ADGRL3: variants seen among roughly 807,000 people sequenced by gnomAD.
ADGRL3 encodes the protein adhesion G protein-coupled receptor L3.
ADGRL3 carries 62 observed loss-of-function variants against 153.5 expected under a neutral mutation model. The ratio of observed to expected loss-of-function variants is 0.40; its 90% confidence interval spans 0.33 to 0.50. The LOEUF (loss-of-function observed/expected upper bound fraction) is 0.50, where lower values mean the gene tolerates loss of function less well. Ranked by LOEUF, ADGRL3 falls within the 20% of genes least tolerant of loss-of-function variation. ADGRL3 has a pLI of 0.47. For synonymous variants in ADGRL3, 710 were observed against 672.5 expected, an observed-to-expected ratio of 1.06 and a Z score of -0.86; for missense variants, 1,641 against 1,859.4, an observed-to-expected ratio of 0.88 and a Z score of 2.16.
chr4:61,540,345 T>C (rs1486719702), intron 4 of ADGRL3, among the ~76,000 whole-genome samples: 1 of 152,070 alleles, frequency 6.6e-6, no homozygotes, highest in Non-Finnish European at 1.5e-5. Context: ...GGTCAGGAGT[T>C]CAACACCAGC....
intron 1 of ADGRL3, among the ~76,000 whole-genome samples, chr4:61,229,031 T>A (rs1475624975): frequency 6.6e-6 from 1 of 152,174 alleles, no homozygotes; most frequent in East Asian, 1.9e-4. Flanking sequence ...ATATGGTATC[T>A]GGCACATGTA....
At chr4:61,539,798 G>A (rs1468279457) in intron 4 of ADGRL3, among the ~76,000 whole-genome samples, 1 of 152,098 alleles carries the variant, frequency 6.6e-6, no homozygotes, top group African/African-American at 2.4e-5. Flanking sequence ...GGTAAGGGGA[G>A]CAGAGAAGCA....
At chr4:61,782,254 A>G (rs566350383) in intron 8 of ADGRL3, among the ~76,000 whole-genome samples, 3 of 152,280 alleles carry the variant, frequency 2.0e-5, no homozygotes, top group Non-Finnish European at 4.4e-5. Flanking sequence ...GAGAAGGAAT[A>G]ATATTCACTG....
chr4:61,762,804 C>T (rs902467707), intron 8 of ADGRL3, among the ~76,000 whole-genome samples: 5 of 152,090 alleles, frequency 3.3e-5, no homozygotes, highest in African/African-American at 1.2e-4. Context: ...GACCAATAAT[C>T]CAAGAAAACT....
chr4:61,354,506 C>T (rs1246485083), intron 1 of ADGRL3, among the ~76,000 whole-genome samples: 2 of 151,680 alleles, frequency 1.3e-5, no homozygotes, highest in Admixed American at 6.6e-5. Flanking sequence ...GGTGTATGAT[C>T]GCAAAAGCAG....
chr4:61,214,074 A>C (rs1423274906), intron 1 of ADGRL3, among the ~76,000 whole-genome samples: 1 of 152,156 alleles, frequency 6.6e-6, no homozygotes, highest in Non-Finnish European at 1.5e-5. Context: ...TCTACTATGT[A>C]TATATGTATA....
chr4:61,640,065 T>C (rs2093596721), intron 5 of ADGRL3, among the ~76,000 whole-genome samples: 1 of 152,128 alleles, frequency 6.6e-6, no homozygotes, highest in Admixed American at 6.6e-5. Context: ...CTGCAAGAAG[T>C]GGCCAGAATA....
chr4:61,225,602 G>A (rs1187503558), intron 1 of ADGRL3, among the ~76,000 whole-genome samples: 2 of 152,138 alleles, frequency 1.3e-5, no homozygotes, highest in Admixed American at 1.3e-4. Context: ...ATCTGTGTCA[G>A]TAATTACAAA....
chr4:61,860,862 A>C (rs1448435311), intron 9 of ADGRL3, among the ~76,000 whole-genome samples: 4 of 152,200 alleles, frequency 2.6e-5, no homozygotes, highest in African/African-American at 9.7e-5. Flanking sequence ...AGCCTTAGCA[A>C]GTGCAAAGTA....
chr4:61,755,200 T>C (rs985537227), intron 8 of ADGRL3, among the ~76,000 whole-genome samples: 5 of 152,164 alleles, frequency 3.3e-5, no homozygotes, highest in African/African-American at 1.2e-4. Context: ...CCACACTGAC[T>C]TCCACAATGG....
chr4:61,641,792 G>A (rs981842832), intron 5 of ADGRL3, among the ~76,000 whole-genome samples: 24 of 150,740 alleles, frequency 1.6e-4, no homozygotes, highest in African/African-American at 5.9e-4. Flanking sequence ...AGTCCTTCGG[G>A]TATATACCCA....
rs1349279187 is a variant in ADGRL3 at position 61,810,454 on chromosome 4, A to G, written c.1400-3355A>G. 3.3e-5 allele frequency among the ~76,000 whole-genome samples: 5 copies of G among 152,192 alleles called. 1 individual carries two copies. The highest frequency in any genetic ancestry group is 1.9e-4 in the East Asian group (1 of 5,192). ...TTCTCCGTCCTAGTTCCATGGTTCT[A>G]TAAAGTATTTCTATGCTCAGATGTA... On this transcript the variant is annotated intron_variant, in intron 8 of 26. Coordinates refer to ENST00000683033, the MANE Select transcript of ADGRL3 (RefSeq NM_001387552.1).
At chr4:61,741,197 TTTAG>T (rs1228339209) in intron 8 of ADGRL3, among the ~76,000 whole-genome samples, 1 of 152,080 alleles carries the variant, frequency 6.6e-6, no homozygotes, top group African/African-American at 2.4e-5. Context: ...TCCTGAATGG[TTTAG>T]TTAAATATGG....
intron 2 of ADGRL3, among the ~76,000 whole-genome samples, chr4:61,456,002 A>T (rs2097731076): frequency 6.6e-6 from 1 of 151,636 alleles, no homozygotes; most frequent in African/African-American, 2.4e-5. Context: ...TTTTAGTTGA[A>T]AGGGGGTTTC....
intron 19 of ADGRL3, among the ~76,000 whole-genome samples, chr4:61,988,576 G>A (rs925028284): frequency 1.3e-5 from 2 of 152,098 alleles, no homozygotes; most frequent in Non-Finnish European, 2.9e-5. Flanking sequence ...TTGGTTTTAT[G>A]ACCTGAAACT....
chr4:61,791,569 C>A (rs1418087920), intron 8 of ADGRL3, among the ~76,000 whole-genome samples: 1 of 152,180 alleles, frequency 6.6e-6, no homozygotes, highest in East Asian at 1.9e-4. Context: ...AGTGGATCTA[C>A]CATTCTGAGA....
At chr4:61,599,191 A>G (rs2099000975) in intron 5 of ADGRL3, among the ~76,000 whole-genome samples, 1 of 152,250 alleles carries the variant, frequency 6.6e-6, no homozygotes, top group African/African-American at 2.4e-5. Flanking sequence ...GCCTAATGCT[A>G]ATAGACTGAG....
At chr4:61,316,537 A>G (rs1327084240) in intron 1 of ADGRL3, among the ~76,000 whole-genome samples, 1 of 152,186 alleles carries the variant, frequency 6.6e-6, no homozygotes, top group East Asian at 1.9e-4. Flanking sequence ...GAATTGTAAG[A>G]AGGAAGAATG....
chr4:61,672,654 T>A (rs1297845729), intron 5 of ADGRL3, among the ~76,000 whole-genome samples: 2 of 152,050 alleles, frequency 1.3e-5, no homozygotes, highest in Non-Finnish European at 2.9e-5. Flanking sequence ...AGAAGGGTTA[T>A]GTTCAAAAAG....
Sources: gnomAD v4.1 joint callset for allele counts (sites outside exome capture counted in the v4.1 genomes callset) on GRCh38, gnomAD v4.1.1 for gene constraint, MANE v1.5 for transcripts, NCBI Gene and HGNC (gene_info 2026-07-23, HGNC 2026-07-21) for gene names.